The following PAFAH1B3 variants were observed in gnomAD, a reference collection of about 807,000 sequenced individuals.
PAFAH1B3 encodes platelet activating factor acetylhydrolase 1b catalytic subunit 3.
Under a neutral mutation model 24.4 loss-of-function variants are expected in PAFAH1B3, and 15 were observed. That is an observed-to-expected ratio of 0.62 (90% CI 0.41 to 0.95). PAFAH1B3 has a LOEUF of 0.95. PAFAH1B3 is among the 40% of genes least tolerant of loss of function. The pLI is 0.00. For missense variants in PAFAH1B3, 266 were observed against 312.2 expected (o/e 0.85, Z 1.12); for synonymous variants, 144 against 126.5 (o/e 1.14, Z -0.93).
In PAFAH1B3 at chr19:42,302,508, G is replaced by T; in HGVS notation, c.-199C>A. ...ACGGAAGCCTTCACTTAGGAGGTAGGTGGAATCAGGAACCTTCGCTTCCCC... is the reference window on the plus strand; with the variant it reads ...ACGGAAGCCTTCACTTAGGAGGTAGTTGGAATCAGGAACCTTCGCTTCCCC... On this transcript the variant is annotated 5_prime_UTR_variant, in exon 1 of 5. Coordinates refer to ENST00000262890, the MANE Select transcript of PAFAH1B3 (RefSeq NM_002573.4). The T allele has an allele frequency of 1.8e-6, 1 of 558,592 alleles. No individual in the cohort carries two copies. Among genetic ancestry groups the T allele is most frequent in the Non-Finnish European group, 3.2e-6 (1 of 316,284 alleles). The allele number at this position is 558,592 out of a possible 1,614,324, so 34.6% of individuals were successfully genotyped here.
chr19:42,300,841 T>A (rs2038611480), intron 2 of PAFAH1B3, among the ~76,000 whole-genome samples: 1 of 141,924 alleles, frequency 7.0e-6, no homozygotes, highest in African/African-American at 2.7e-5. Context: ...TGAGACGGAG[T>A]TTTGCTCTTG....
At chr19:42,297,531 C>T (rs1471188019) in intron 4 of PAFAH1B3, among the ~76,000 whole-genome samples, 166 bp from the exon 5 acceptor site, 3 of 151,842 alleles carry the variant, frequency 2.0e-5, no homozygotes, top group East Asian at 1.9e-4. Context: ...ACATCCTAGC[C>T]CTCATTTAGC....
chr19:42,300,488 C>CTTATT (rs750623980), intron 2 of PAFAH1B3, among the ~76,000 whole-genome samples: 10 of 152,152 alleles, frequency 6.6e-5, no homozygotes, highest in Admixed American at 3.3e-4. Flanking sequence ...GAGTCTCTCA[C>CTTATT]TTATTTTATT....
chr19:42,297,421 TG>T (rs1238709860), intron 4 of PAFAH1B3, 56 bp from the exon 5 acceptor site: 1 of 1,400,886 alleles, frequency 7.1e-7, no homozygotes, highest in Admixed American at 1.9e-5. Flanking sequence ...TCTTGTTCTC[TG>T]TGCCAACCTG....
In PAFAH1B3 at chr19:42,300,279, G is replaced by A. The variant is rs1210126621; in HGVS notation, c.177C>T (p.Arg59=). 9 of 1,614,030 alleles carry A rather than the reference G, an allele frequency of 5.6e-6. No individual in the cohort carries two copies. Among genetic ancestry groups the A allele is most frequent in the East Asian group, 2.2e-5 (1 of 44,894 alleles). ...VQLMHQCEIW[R]ELFSPLHALN... is the part of the protein sequence containing the mutation. ...GTGCATGCAGAGGAGAGAAGAGCTCGCGCCAGATCTGTGGGCAAGAAGTGG... is the reference window on the plus strand; with the variant it reads ...GTGCATGCAGAGGAGAGAAGAGCTCACGCCAGATCTGTGGGCAAGAAGTGG... Residue 59 remains arginine, a synonymous_variant, in exon 3 of 5, where the codon CGC becomes CGT. Transcript: ENST00000262890.
intron 2 of PAFAH1B3, among the ~76,000 whole-genome samples, chr19:42,301,606 G>C (rs1218485913): frequency 2.6e-5 from 4 of 152,182 alleles, no homozygotes; most frequent in Admixed American, 2.6e-4. Flanking sequence ...TGCCATTAGA[G>C]TTGCCCTTCG....
chr19:42,299,444 A>C (rs2038584410), intron 4 of PAFAH1B3, among the ~76,000 whole-genome samples: 1 of 146,090 alleles, frequency 6.8e-6, no homozygotes, highest in South Asian at 2.2e-4. Context: ...TTTTTTTTTG[A>C]GACGGAGTCT....
At position 42,302,613 on chromosome 19, in the gene PAFAH1B3, G is replaced by T. The variant is rs759788049; in HGVS notation, c.-304C>A. ...CCAGGCCGCGCACCCGGCACGGGGT[G>T]GGGGGAGGGAGAGGCGAGACCATCC... On this transcript the variant is annotated 5_prime_UTR_variant, in exon 1 of 5. Transcript: ENST00000262890. 82 of 382,272 alleles carry T rather than the reference G, an allele frequency of 2.1e-4. No individual in the cohort carries two copies. The highest frequency in any genetic ancestry group is 5.9e-4 in the East Asian group (12 of 20,198). 23.7% of individuals were successfully genotyped at this position (382,272 alleles called of 1,614,324 possible). A position where few individuals can be genotyped will look rare whatever the true frequency, so the allele number is the denominator to read the frequency against.
chr19:42,300,604 G>A (rs1170670781), intron 2 of PAFAH1B3, among the ~76,000 whole-genome samples: 2 of 152,050 alleles, frequency 1.3e-5, no homozygotes, highest in East Asian at 3.9e-4. Flanking sequence ...TGCAACCTCC[G>A]CCTCCCTAGT....
At chr19:42,302,083 G>A (rs762390461) in intron 1 of PAFAH1B3, 44 bp from the exon 2 acceptor site, 5 of 1,534,218 alleles carry the variant, frequency 3.3e-6, no homozygotes, top group Non-Finnish European at 4.4e-6. Flanking sequence ...GCACGCTCCA[G>A]GGCCCGCCCC....
rs1440892274 is a variant in PAFAH1B3, at chr19:42,300,007, A to G, written c.371T>C (p.Val124Ala). The G allele has an allele frequency of 1.9e-6, 3 of 1,613,840 alleles. No homozygotes were observed. Among genetic ancestry groups the G allele is most frequent in the Non-Finnish European group, 2.5e-6 (3 of 1,180,000 alleles). The change falls in exon 4 of 5, where the codon GTG becomes GCG. Residue 124 changes from valine (V) to alanine (A), a missense_variant. Physicochemically the swap from Val to Ala is moderately conservative, Grantham distance 64. Transcript: ENST00000262890. ...TGGIKAIVQL[V>A]NERQPQARVV... The stretch of plus-strand genomic sequence containing the variant: ...CCGGGCCTGGGGCTGTCGCTCATTC[A>G]CCAGTTGCACAATGGCCTTGATGCC...
rs1456004434 is a variant in PAFAH1B3 at position 42,299,858 on chromosome 19, C to T, written c.408+112G>A. Reference sequence around the variant, plus strand: ...AGCAAGCTCCAACGTGAGATTCTGCCTAAAAGCCACTGCTCTATGTCAAGC... The same window carrying T: ...AGCAAGCTCCAACGTGAGATTCTGCTTAAAAGCCACTGCTCTATGTCAAGC... On this transcript the variant is annotated intron_variant, in intron 4 of 4. Transcript: ENST00000262890. 2.2e-5 allele frequency: 30 copies of T among 1,383,338 alleles called. No individual in the cohort carries two copies. The South Asian group carries it at 2.2e-4, about 10-fold the overall frequency. The allele number at this position is 1,383,338 out of a possible 1,614,324, so 85.7% of individuals were successfully genotyped here.
intron 4 of PAFAH1B3, among the ~76,000 whole-genome samples, 181 bp from the exon 5 acceptor site, chr19:42,297,546 G>A (rs1264785199): frequency 6.6e-6 from 1 of 151,708 alleles, no homozygotes; most frequent in East Asian, 1.9e-4. Context: ...TTTAGCAAGA[G>A]ACTTCTGGGT....
chr19:42,300,225 T>C lies in PAFAH1B3; in HGVS notation c.231A>G (p.Thr77=), dbSNP rs751063772. 2 of 1,614,230 alleles carry C rather than the reference T, an allele frequency of 1.2e-6. No individual in the cohort carries two copies. The highest frequency in any genetic ancestry group is 1.1e-5 in the South Asian group (1 of 91,084). The change falls in exon 3 of 5, where the codon ACA becomes ACG. Residue 77 remains threonine (T), a synonymous_variant. Coordinates refer to ENST00000262890, the MANE Select transcript of PAFAH1B3 (RefSeq NM_002573.4). ...ALNFGIGGDG[T]QHVLWRLENG... is the part of the protein sequence containing the mutation. ...TCTCCAGCCGCCACAGTACATGCTG[T>C]GTGCCGTCACCACCAATGCCAAAGT...
rs1419286091 is a variant in PAFAH1B3, at chr19:42,302,094, G to A, written c.79-55C>T. The A allele has an allele frequency of 6.6e-6, 10 of 1,513,046 alleles. No individual in the cohort carries two copies. The East Asian group carries it at 2.2e-4, about 33-fold the overall frequency. The allele number at this position is 1,513,046 out of a possible 1,614,324, so 93.7% of individuals were successfully genotyped here. On this transcript the variant is annotated intron_variant, in intron 1 of 4. Transcript: ENST00000262890. ...GCATGCACGCTCCAGGGCCCGCCCC[G>A]CCCTGCTCCCTTAGGCAGCGCCTCC...
chr19:42,299,865 C>A, intron 4 of PAFAH1B3, 105 bp downstream of exon 4: 1 of 1,429,436 alleles, frequency 7.0e-7, no homozygotes, highest in South Asian at 1.3e-5. Flanking sequence ...TGCCTAAAAG[C>A]CACTGCTCTA....
chr19:42,297,442 C>T (rs2038547191), intron 4 of PAFAH1B3, 77 bp from the exon 5 acceptor site: 1 of 1,318,110 alleles, frequency 7.6e-7, no homozygotes, highest in Non-Finnish European at 1.0e-6. Context: ...GTCCTCCACC[C>T]ACCACCATGA....
intron 4 of PAFAH1B3, among the ~76,000 whole-genome samples, chr19:42,299,717 C>G (rs941648988): frequency 6.6e-6 from 1 of 152,122 alleles, no homozygotes; most frequent in Non-Finnish European, 1.5e-5. Context: ...CGTGAGCCAC[C>G]GTGCCTGGCC....
At position 42,300,050 on chromosome 19, in the gene PAFAH1B3, C is replaced by T; in HGVS notation, c.328G>A (p.Ala110Thr). 1 of 1,614,212 alleles carries T rather than the reference C, an allele frequency of 6.2e-7. No individual in the cohort carries two copies. Among genetic ancestry groups the T allele is most frequent in the African/African-American group, 1.3e-5 (1 of 75,054 alleles). Residue 110 changes from alanine (A) to threonine (T), a missense_variant, in exon 4 of 5, where the codon GCA becomes ACA. By Grantham distance (58) the Ala-to-Thr change is moderately conservative. Transcript: ENST00000262890. ...TTGATGCCACCAGTCACCTGCTCTG[C>T]TGTGTGTCCGTGGTTGTTGGTGCCC... ...WVGTNNHGHT[A>T]EQVTGGIKAI...
Sources: gnomAD v4.1 joint callset for allele counts (sites outside exome capture counted in the v4.1 genomes callset) on GRCh38, gnomAD v4.1.1 for gene constraint, MANE v1.5 for transcripts, NCBI Gene and HGNC (gene_info 2026-07-23, HGNC 2026-07-21) for gene names.